Variants in PTPN9 observed in about 807,000 individuals in gnomAD.
PTPN9 encodes tyrosine-protein phosphatase non-receptor type 9.
In PTPN9, 26 loss-of-function variants were observed where a neutral mutation model predicts 69.8. The observed-to-expected ratio is 0.37, with a 90% confidence interval of 0.27 to 0.52. The LOEUF is 0.52. PTPN9 is among the 20% of genes least tolerant of loss of function. PTPN9 has a pLI of 0.91. For missense variants in PTPN9, 549 were observed against 740.3 expected, an observed-to-expected ratio of 0.74 and a Z score of 3.00; for synonymous variants, 274 against 272.5, an observed-to-expected ratio of 1.01 and a Z score of -0.05.
intron 2 of PTPN9, among the ~76,000 whole-genome samples, chr15:75,525,283 C>A (rs910347067): frequency 6.6e-6 from 1 of 151,644 alleles, no homozygotes; most frequent in African/African-American, 2.4e-5. Flanking sequence ...TCACTGCAAC[C>A]TCCACGTCCA....
At chr15:75,519,599 T>A (rs536122771) in intron 4 of PTPN9, among the ~76,000 whole-genome samples, 1 of 152,210 alleles carries the variant, frequency 6.6e-6, no homozygotes, top group East Asian at 1.9e-4. Context: ...TACATTAGTG[T>A]TAAATCTTTA....
chr15:75,570,587 T>C lies in PTPN9; in HGVS notation c.63+8127A>G, dbSNP rs1009289972. On this transcript the variant is annotated intron_variant, in intron 1 of 12. Transcript: ENST00000618819. ...GAGTTCGTGACCAGCCTGGGCAACA[T>C]GGTAAAACCCCCCTCTACAAAAAAT... 9.2e-5 allele frequency among the ~76,000 whole-genome samples: 14 copies of C among 151,934 alleles called. 1 individual carries two copies. The South Asian group carries it at 2.1e-3, about 23-fold the overall frequency.
At chr15:75,537,178 T>A (rs2074985850) in intron 1 of PTPN9, among the ~76,000 whole-genome samples, 1 of 150,046 alleles carries the variant, frequency 6.7e-6, no homozygotes, top group Admixed American at 6.7e-5. Context: ...ATGGCAAAAC[T>A]CCGTCTCTAC....
intron 7 of PTPN9, among the ~76,000 whole-genome samples, chr15:75,491,911 C>G (rs2074713165): frequency 6.6e-6 from 1 of 152,106 alleles, no homozygotes; most frequent in Non-Finnish European, 1.5e-5. Flanking sequence ...ATTTCATTTT[C>G]TTTTTGGGAC....
chr15:75,503,766 A>G (rs1329976117), intron 7 of PTPN9, among the ~76,000 whole-genome samples: 4 of 34,810 alleles, frequency 1.1e-4, no homozygotes, highest in Non-Finnish European at 1.9e-4. Flanking sequence ...TCCGGGAGGG[A>G]GGTGGGGGGG....
chr15:75,578,786 A>G lies in PTPN9; in HGVS notation c.-10T>C. On this transcript the variant is annotated 5_prime_UTR_variant, in exon 1 of 13. Transcript: ENST00000618819. ...CGGTCGCGGGCTCCATCCCCCCGCC[A>G]CCGCCGCCGGGCGGACAAAACTCGC... 8.1e-7 allele frequency: 1 copy of G among 1,237,470 alleles called. No homozygotes were observed. The highest frequency in any genetic ancestry group is 3.2e-5 in the South Asian group (1 of 31,622). 76.7% of individuals were successfully genotyped at this position (1,237,470 alleles called of 1,614,324 possible).
At chr15:75,503,299 G>A (rs1207015239) in intron 7 of PTPN9, among the ~76,000 whole-genome samples, 1 of 145,578 alleles carries the variant, frequency 6.9e-6, no homozygotes, top group African/African-American at 2.6e-5. Context: ...CCCCGTCTGG[G>A]ATGTGAGGAG....
chr15:75,469,701 C>T, intron 12 of PTPN9, 91 bp downstream of exon 12: 2 of 1,400,328 alleles, frequency 1.4e-6, no homozygotes. Flanking sequence ...TGAGTTCCTT[C>T]TCCAATCACA....
chr15:75,521,634 C>G (rs1438122243), intron 4 of PTPN9, among the ~76,000 whole-genome samples: 4 of 151,826 alleles, frequency 2.6e-5, no homozygotes, highest in Non-Finnish European at 5.9e-5. Context: ...TTGCTTAAGT[C>G]CAGGAGTTCA....
intron 1 of PTPN9, among the ~76,000 whole-genome samples, chr15:75,575,426 A>G (rs1249709044): frequency 6.6e-6 from 1 of 152,134 alleles, no homozygotes. Flanking sequence ...ACTGACTCTC[A>G]AAAGTACAAG....
At chr15:75,476,282 G>C (rs777315708) in intron 9 of PTPN9, among the ~76,000 whole-genome samples, 11 of 152,198 alleles carry the variant, frequency 7.2e-5, no homozygotes, top group Non-Finnish European at 1.2e-4. Flanking sequence ...ACAAGAGATA[G>C]TATAGAAAGA....
At chr15:75,474,240 C>A (rs993478123) in intron 9 of PTPN9, among the ~76,000 whole-genome samples, 1 of 152,190 alleles carries the variant, frequency 6.6e-6, no homozygotes, top group African/African-American at 2.4e-5. Context: ...TTTATCTTGG[C>A]CGGGTGCAGT....
intron 2 of PTPN9, among the ~76,000 whole-genome samples, chr15:75,524,752 T>C (rs2141321033): frequency 9.8e-6 from 1 of 102,530 alleles, no homozygotes; most frequent in African/African-American, 4.1e-5. Context: ...CACTCCAGCC[T>C]GGGTGACAAA....
chr15:75,529,042 AGT>A (rs2074943425), intron 1 of PTPN9, among the ~76,000 whole-genome samples: 1 of 151,674 alleles, frequency 6.6e-6, no homozygotes, highest in African/African-American at 2.4e-5. Flanking sequence ...GCTGGAGTGC[AGT>A]GGTGCGATCT....
intron 7 of PTPN9, among the ~76,000 whole-genome samples, chr15:75,504,366 C>A (rs1311534851): frequency 8.2e-6 from 1 of 122,408 alleles, no homozygotes; most frequent in African/African-American, 3.2e-5. Flanking sequence ...CCAGCCACCC[C>A]GTCCGGGAGG....
rs539061172 is a variant in PTPN9, at chr15:75,470,114, C to T, written c.1360-115G>A. ...TATCCCTACCACCAAGGCTCCTATCCACCACTGTCAACTTTTCCCATAATT... is the reference window on the plus strand; with the variant it reads ...TATCCCTACCACCAAGGCTCCTATCTACCACTGTCAACTTTTCCCATAATT... On this transcript the variant is annotated intron_variant, in intron 11 of 12. Transcript: ENST00000618819. 5.3e-6 allele frequency: 5 copies of T among 943,476 alleles called. No homozygotes were observed. In the South Asian group the frequency reaches 7.8e-5, roughly 15 times the overall value. The allele number at this position is 943,476 out of a possible 1,614,324, so 58.4% of individuals were successfully genotyped here.
At chr15:75,486,219 C>T (rs925635057) in intron 8 of PTPN9, among the ~76,000 whole-genome samples, 2 of 151,978 alleles carry the variant, frequency 1.3e-5, no homozygotes, top group Non-Finnish European at 2.9e-5. Flanking sequence ...TTGCTATAGA[C>T]TGATCATTTG....
chr15:75,469,020 T>C (rs745525689), intron 12 of PTPN9, 37 bp from the exon 13 acceptor site: 2 of 1,525,782 alleles, frequency 1.3e-6, no homozygotes, highest in South Asian at 1.2e-5. Flanking sequence ...CTGGTTTACC[T>C]CTCTTCTCTT....
intron 1 of PTPN9, among the ~76,000 whole-genome samples, 175 bp downstream of exon 1, chr15:75,578,539 G>A (rs2075184246): frequency 6.6e-6 from 1 of 152,170 alleles, no homozygotes; most frequent in Non-Finnish European, 1.5e-5. Context: ...TGGGTCCCCC[G>A]ACGAGGGGGT....
Sources: gnomAD v4.1 joint callset for allele counts (sites outside exome capture counted in the v4.1 genomes callset) on GRCh38, gnomAD v4.1.1 for gene constraint, MANE v1.5 for transcripts, NCBI Gene and HGNC (gene_info 2026-07-23, HGNC 2026-07-21) for gene names.